Variants in PIK3AP1 observed in about 807,000 individuals in gnomAD.
PIK3AP1 encodes the protein phosphoinositide-3-kinase adaptor protein 1.
In PIK3AP1, 21 loss-of-function variants were observed where a neutral mutation model predicts 88.1. The observed-to-expected ratio is 0.24, with a 90% CI of 0.17 to 0.34. PIK3AP1 has a LOEUF of 0.34. Among genes scored for constraint, PIK3AP1 ranks in the 10% least tolerant of loss-of-function variants. The probability of loss-of-function intolerance (pLI) is 1.00; values close to 1 mark genes in which losing one functional copy is unlikely to be tolerated. For synonymous variants in PIK3AP1, 398 were observed against 400.0 expected (o/e 1.00, Z 0.06); for missense variants, 828 against 1,035.7 (o/e 0.80, Z 2.75).
chr10:96,655,943 G>A (rs1169045800), intron 3 of PIK3AP1, among the ~76,000 whole-genome samples: 1 of 152,112 alleles, frequency 6.6e-6, no homozygotes, highest in Non-Finnish European at 1.5e-5. Flanking sequence ...GTTAAATCTG[G>A]CCCAAAGAAA....
intron 2 of PIK3AP1, among the ~76,000 whole-genome samples, chr10:96,667,862 C>T (rs925516100): frequency 1.3e-5 from 2 of 152,166 alleles, no homozygotes; most frequent in East Asian, 3.9e-4. Flanking sequence ...TCTCCTTTTG[C>T]GCCATAGAGG....
intron 1 of PIK3AP1, among the ~76,000 whole-genome samples, chr10:96,719,015 AC>A (rs1411890940): frequency 3.9e-5 from 6 of 151,926 alleles, no homozygotes; most frequent in Non-Finnish European, 8.8e-5. Context: ...GAAAATCCTA[AC>A]CCCAGTCTCC....
chr10:96,632,423 T>C (rs1375287264), intron 8 of PIK3AP1, among the ~76,000 whole-genome samples: 4 of 145,448 alleles, frequency 2.8e-5, no homozygotes, highest in Non-Finnish European at 4.5e-5. Flanking sequence ...TTTTTTTTTT[T>C]ACAAAAAGGA....
At chr10:96,596,551 G>A (rs1848756869) in intron 16 of PIK3AP1, among the ~76,000 whole-genome samples, 1 of 152,138 alleles carries the variant, frequency 6.6e-6, no homozygotes, top group South Asian at 2.1e-4. Context: ...ACTGTAGTAG[G>A]GAGATTTGTT....
intron 7 of PIK3AP1, among the ~76,000 whole-genome samples, chr10:96,646,663 AC>A (rs1193495641): frequency 6.6e-6 from 1 of 151,318 alleles, no homozygotes; most frequent in African/African-American, 2.4e-5. Flanking sequence ...ACTGTCAGGA[AC>A]CCTGACAGTT....
At chr10:96,630,643 T>C (rs1171356994) in intron 8 of PIK3AP1, among the ~76,000 whole-genome samples, 1 of 150,880 alleles carries the variant, frequency 6.6e-6, no homozygotes, top group East Asian at 1.9e-4. Flanking sequence ...AAGACCAGCC[T>C]GGACAACACA....
chr10:96,600,635 G>C (rs1848871353), intron 16 of PIK3AP1, among the ~76,000 whole-genome samples: 1 of 152,194 alleles, frequency 6.6e-6, no homozygotes, highest in South Asian at 2.1e-4. Context: ...GGGAGAAATG[G>C]AAAGATCCTT....
In PIK3AP1 at chr10:96,645,527, C is replaced by T. The variant is rs575537494; in HGVS notation, c.1321G>A (p.Glu441Lys). 25 of 1,614,066 alleles carry T rather than the reference C, an allele frequency of 1.5e-5. No homozygotes were observed. Among genetic ancestry groups the T allele is most frequent in the Admixed American group, 5.0e-5 (3 of 60,004 alleles). ...MKCSLNPGCD[E>K]DLYESMAAFV... ...GCAGCCATGGACTCATAGAGATCCT[C>T]GTCACAGCCGGGGTTGAGCGAGCAT... The change falls in exon 8 of 17, where the codon GAG becomes AAG. Residue 441 changes from glutamate to lysine, a missense_variant. Around this residue, in one of 3 missense-constraint regions of PIK3AP1, gnomAD observed 610 missense variants for 760.1 expected, o/e 0.80. Transcript: ENST00000339364.
rs146392903 is a variant in PIK3AP1 at position 96,693,387 on chromosome 10, G to A, written c.430+16180C>T. Among the ~76,000 whole-genome samples the A allele has an allele frequency of 6.1e-3, 932 of 152,226 alleles. 3 individuals carry two copies. The highest frequency in any genetic ancestry group is 0.01 in the Middle Eastern group (3 of 294). On this transcript the variant is annotated intron_variant, in intron 2 of 16. Transcript: ENST00000339364. ...TGGATGGCTGGACAGATGGACAGAC[G>A]GATGGATAACTGGATGGATAGATGG...
At chr10:96,666,277 G>A (rs912644827) in intron 2 of PIK3AP1, among the ~76,000 whole-genome samples, 3 of 151,996 alleles carry the variant, frequency 2.0e-5, no homozygotes, top group Non-Finnish European at 2.9e-5. Context: ...AAATTAGCCG[G>A]GCGTGGTAGC....
At chr10:96,617,231 G>A (rs1176326181) in intron 12 of PIK3AP1, among the ~76,000 whole-genome samples, 9 of 152,240 alleles carry the variant, frequency 5.9e-5, no homozygotes, top group African/African-American at 2.2e-4. Context: ...AAGGTCAAGA[G>A]ACCACGTCGT....
At chr10:96,601,752 T>G (rs552789219) in intron 16 of PIK3AP1, among the ~76,000 whole-genome samples, 2 of 152,232 alleles carry the variant, frequency 1.3e-5, no homozygotes, top group Non-Finnish European at 2.9e-5. Context: ...AAAGTTGACA[T>G]TTTTCAATGT....
chr10:96,610,199 A>G (rs1364485470), intron 13 of PIK3AP1, among the ~76,000 whole-genome samples: 1 of 152,150 alleles, frequency 6.6e-6, no homozygotes, highest in Non-Finnish European at 1.5e-5. Flanking sequence ...GCCACTTAGC[A>G]TCTGTGGAAC....
Position 96,717,239 on chromosome 10 carries a change from C to T in PIK3AP1, c.13+3143G>A, listed in dbSNP as rs1459484737. ...TGTCACTGCACTCCAGCCTGGGTGACAGAGTGAGACTCCGTCTCAAAAAAA... is the reference window on the plus strand; with the variant it reads ...TGTCACTGCACTCCAGCCTGGGTGATAGAGTGAGACTCCGTCTCAAAAAAA... On this transcript the variant is annotated intron_variant, in intron 1 of 16. Transcript: ENST00000339364. Among the ~76,000 whole-genome samples, 3 of 129,126 alleles carry T rather than the reference C, an allele frequency of 2.3e-5. No homozygotes were observed. The East Asian group carries it at 7.1e-4, about 31-fold the overall frequency. The allele number at this position is 129,126 out of a possible 152,430, so 84.7% of individuals were successfully genotyped here.
chr10:96,611,556 G>T (rs566968201), intron 13 of PIK3AP1, among the ~76,000 whole-genome samples: 3 of 152,054 alleles, frequency 2.0e-5, no homozygotes, highest in Non-Finnish European at 4.4e-5. Context: ...TTCAACCTCT[G>T]CCTCCTGGGT....
rs1795125761 is a variant in PIK3AP1 at position 96,699,431 on chromosome 10, A to ACATAAACTATATTATTT, written c.430+10135_430+10136insAAATAATATAGTTTATG. ...AAGAGAATATTTTAGATATATTATT[A>ACATAAACTATATTATTT]CATAAACTATATCATTAAAATTAAT... On this transcript the variant is annotated intron_variant, in intron 2 of 16. Transcript: ENST00000339364. Among the ~76,000 whole-genome samples the ACATAAACTATATTATTT allele has an allele frequency of 2.0e-5, 3 of 152,248 alleles. No individual in the cohort carries two copies. The South Asian group carries it at 6.2e-4, about 31-fold the overall frequency.
chr10:96,645,787 G>A, intron 7 of PIK3AP1, 125 bp from the exon 8 acceptor site: 2 of 755,646 alleles, frequency 2.6e-6, no homozygotes, highest in Non-Finnish European at 4.2e-6. Flanking sequence ...ACAACTGGTT[G>A]TGTGTATTTG....
rs193205832 is a variant in PIK3AP1 at position 96,669,947 on chromosome 10, T to C, written c.431-13013A>G. On this transcript the variant is annotated intron_variant, in intron 2 of 16. Coordinates refer to ENST00000339364, the MANE Select transcript of PIK3AP1 (RefSeq NM_152309.3). Reference sequence around the variant, plus strand: ...ATCCCAGCACTTTGGGAGGCCGAGGTGGGCGGATCCTAAGGTCAGGAGTTC... The same window carrying C: ...ATCCCAGCACTTTGGGAGGCCGAGGCGGGCGGATCCTAAGGTCAGGAGTTC... 6.0e-4 allele frequency among the ~76,000 whole-genome samples: 91 copies of C among 151,426 alleles called. 1 individual carries two copies. The East Asian group carries it at 0.016, about 27-fold the overall frequency.
At chr10:96,635,545 A>T (rs1444506539) in intron 8 of PIK3AP1, among the ~76,000 whole-genome samples, 1 of 152,134 alleles carries the variant, frequency 6.6e-6, no homozygotes, top group Non-Finnish European at 1.5e-5. Context: ...AAACATCACT[A>T]CCAATCATAG....
Sources: gnomAD v4.1 joint callset for allele counts (sites outside exome capture counted in the v4.1 genomes callset) on GRCh38, gnomAD v4.1.1 for gene constraint, gnomAD v4.1.1 regional missense constraint, MANE v1.5 for transcripts, NCBI Gene and HGNC (gene_info 2026-07-23, HGNC 2026-07-21) for gene names.